The following CCDC39 variants were observed in gnomAD, a reference collection of about 807,000 sequenced individuals.
CCDC39 encodes the protein coiled-coil domain 39 molecular ruler complex subunit.
In CCDC39, 113 loss-of-function variants were observed where a neutral mutation model predicts 121.0. The ratio of observed to expected loss-of-function variants is 0.93; its 90% CI spans 0.80 to 1.09. The LOEUF is 1.09. Among genes scored for constraint, CCDC39 ranks in the 50% least tolerant of loss-of-function variants. The pLI, the probability that CCDC39 is intolerant of heterozygous loss-of-function variation, is 0.00. For missense variants in CCDC39, 1,063 were observed against 1,074.7 expected, an observed-to-expected ratio of 0.99 and a Z score of 0.15; for synonymous variants, 349 against 352.2, an observed-to-expected ratio of 0.99 and a Z score of 0.10.
chr3:180,660,835 G>A lies in CCDC39; in HGVS notation c.358-107C>T, dbSNP rs1175241730. On this transcript the variant is annotated intron_variant, in intron 3 of 19. Coordinates refer to ENST00000476379, the MANE Select transcript of CCDC39 (RefSeq NM_181426.2). ...TACTATGGAGCAAAATTAAAAATGA[G>A]GAAATCCTGTCCCTGCCTTCCAGAT... The A allele has an allele frequency of 7.9e-6, 7 of 888,900 alleles. No homozygotes were observed. The Admixed American group carries it at 1.7e-4, about 21-fold the overall frequency. 55.1% of individuals were successfully genotyped at this position (888,900 alleles called of 1,614,324 possible). A position where few individuals can be genotyped will look rare whatever the true frequency, so the allele number is the denominator to read the frequency against.
chr3:180,651,012 T>C (rs1320758004), intron 9 of CCDC39, among the ~76,000 whole-genome samples: 3 of 151,790 alleles, frequency 2.0e-5, no homozygotes, highest in East Asian at 3.9e-4. Context: ...CTGGCCAACA[T>C]GGCGAAACCC....
At position 180,675,120 on chromosome 3, in the gene CCDC39, T is replaced by C. The variant is rs147112058; in HGVS notation, c.90+4171A>G. On this transcript the variant is annotated intron_variant, in intron 1 of 19. Transcript: ENST00000476379. ...GAATACATCTGGTCCTGGACTTTTT[T>C]TGGTTGGTAAGCTATTAATTATTGC... is the stretch of plus-strand genomic sequence containing the variant. 1.8e-3 allele frequency among the ~76,000 whole-genome samples: 274 copies of C among 152,280 alleles called. 1 individual carries two copies. The highest frequency in any genetic ancestry group is 6.4e-3 in the African/African-American group (266 of 41,566).
At chr3:180,666,301 G>C (rs1276150592) in intron 1 of CCDC39, among the ~76,000 whole-genome samples, 1 of 152,088 alleles carries the variant, frequency 6.6e-6, no homozygotes, top group Non-Finnish European at 1.5e-5. Flanking sequence ...TTAAGATTTT[G>C]TTTTGGTATA....
At chr3:180,654,221 C>CAA (rs76424115) in intron 7 of CCDC39, among the ~76,000 whole-genome samples, 1,062 of 43,570 alleles carry the variant, frequency 0.024, 8 homozygotes, top group African/African-American at 0.04. Flanking sequence ...TAGCCACACG[C>CAA]AAAAAAAAAA....
intron 16 of CCDC39, 53 bp from the exon 17 acceptor site, chr3:180,617,019 A>T: frequency 1.0e-6 from 1 of 968,842 alleles, no homozygotes; most frequent in Non-Finnish European, 1.5e-6. Context: ...TGACTTTTAT[A>T]ACTTGTCATT....
chr3:180,656,222 T>A (rs1271627872), intron 6 of CCDC39, among the ~76,000 whole-genome samples: 1 of 152,236 alleles, frequency 6.6e-6, no homozygotes, highest in African/African-American at 2.4e-5. Context: ...TCTTGCCTTA[T>A]GATTTTTTCT....
At chr3:180,615,893 A>G (rs1215311064) in intron 19 of CCDC39, among the ~76,000 whole-genome samples, 3 of 152,234 alleles carry the variant, frequency 2.0e-5, no homozygotes, top group African/African-American at 7.2e-5. Flanking sequence ...TTGAATCACA[A>G]AAATCATATT....
chr3:180,677,110 C>T (rs192338162), intron 1 of CCDC39, among the ~76,000 whole-genome samples: 105 of 136,666 alleles, frequency 7.7e-4, no homozygotes, highest in African/African-American at 2.6e-3. Flanking sequence ...CAAACCTGCA[C>T]GTTGTGCACA....
chr3:180,654,169 G>A (rs1446972388), intron 7 of CCDC39, among the ~76,000 whole-genome samples: 3 of 124,522 alleles, frequency 2.4e-5, no homozygotes, highest in Admixed American at 9.7e-5. Flanking sequence ...ACACAATGGG[G>A]AAAGGATAGT....
intron 1 of CCDC39, among the ~76,000 whole-genome samples, chr3:180,678,605 C>T (rs1404535356): frequency 3.3e-5 from 5 of 151,932 alleles, no homozygotes; most frequent in Admixed American, 2.0e-4. Context: ...TCCTCCGCCT[C>T]AGCCTCCCAA....
rs561977549 is a variant in CCDC39 at position 180,679,209 on chromosome 3, A to G, written c.90+82T>C. ...AGGATTAGGAAAGGAGAGAAATAAA[A>G]GGGCTGGGGTAGTACTGCCAACCAG... is the stretch of plus-strand genomic sequence containing the variant. On this transcript the variant is annotated intron_variant, in intron 1 of 19. Transcript: ENST00000476379. This position sits in a 1 kb window ranked among gnomAD's most constrained non-coding sequence, Gnocchi z 4.0. 1.2e-4 allele frequency: 120 copies of G among 989,358 alleles called. No individual in the cohort carries two copies. The highest frequency in any genetic ancestry group is 3.2e-4 in the Admixed American group (19 of 58,796). 61.3% of individuals were successfully genotyped at this position (989,358 alleles called of 1,614,324 possible). A position where few individuals can be genotyped will look rare whatever the true frequency, so the allele number is the denominator to read the frequency against.
At chr3:180,631,662 C>A in intron 13 of CCDC39, 70 bp from the exon 14 acceptor site, 1 of 1,316,388 alleles carries the variant, frequency 7.6e-7, no homozygotes, top group South Asian at 1.4e-5. Context: ...ATCAAGTGTT[C>A]TTATTGAAGA....
chr3:180,670,860 G>A (rs1712024063), intron 1 of CCDC39, among the ~76,000 whole-genome samples: 1 of 152,044 alleles, frequency 6.6e-6, no homozygotes, highest in Non-Finnish European at 1.5e-5. Flanking sequence ...CTTTCCATAA[G>A]ACATGCTTGC....
chr3:180,622,622 GA>G (rs1250210961), intron 14 of CCDC39, among the ~76,000 whole-genome samples: 1 of 152,090 alleles, frequency 6.6e-6, no homozygotes, highest in Non-Finnish European at 1.5e-5. Flanking sequence ...TGTCATGAAG[GA>G]ATGCTGAATT....
intron 1 of CCDC39, among the ~76,000 whole-genome samples, chr3:180,672,814 G>A (rs1290165829): frequency 6.6e-6 from 1 of 152,100 alleles, no homozygotes; most frequent in Non-Finnish European, 1.5e-5. Context: ...ATCTGAGCAA[G>A]GTAAATTGAA....
At chr3:180,629,923 C>T (rs1367531803) in intron 14 of CCDC39, among the ~76,000 whole-genome samples, 1 of 152,150 alleles carries the variant, frequency 6.6e-6, no homozygotes, top group Non-Finnish European at 1.5e-5. Flanking sequence ...GGTTAATCAG[C>T]ATCATCACAG....
At chr3:180,653,774 A>G (rs536235656) in intron 7 of CCDC39, among the ~76,000 whole-genome samples, 75 of 152,310 alleles carry the variant, frequency 4.9e-4, no homozygotes, top group African/African-American at 1.7e-3. Context: ...TCCCTCGCAG[A>G]TACCAAAATC....
At chr3:180,678,336 A>T (rs921625844) in intron 1 of CCDC39, among the ~76,000 whole-genome samples, 4 of 152,178 alleles carry the variant, frequency 2.6e-5, no homozygotes, top group Non-Finnish European at 5.9e-5. Flanking sequence ...ATTGTTTTCA[A>T]AAGGTAGAGT....
At chr3:180,631,702 A>G (rs1717702519) in intron 13 of CCDC39, 110 bp from the exon 14 acceptor site, 1 of 864,606 alleles carries the variant, frequency 1.2e-6, no homozygotes, top group Non-Finnish European at 1.8e-6. Flanking sequence ...ACTAAACTCA[A>G]ACAGGTTAAA....
Sources: allele counts gnomAD v4.1 joint callset (sites outside exome capture counted in the v4.1 genomes callset), GRCh38; gene constraint gnomAD v4.1.1; non-coding constraint Gnocchi (gnomAD v3.1); transcripts MANE v1.5; gene names NCBI Gene and HGNC (gene_info 2026-07-23, HGNC 2026-07-21).